Variants in PCNX3 observed in about 807,000 individuals in gnomAD.
PCNX3 encodes pecanex 3, also known as pecanex-like protein 3.
PCNX3 carries 58 observed loss-of-function variants against 207.2 expected under a neutral mutation model. The ratio of observed to expected loss-of-function variants is 0.28; its 90% confidence interval spans 0.23 to 0.35. PCNX3 has a LOEUF of 0.35. Ranked by LOEUF, PCNX3 falls within the 10% of genes least tolerant of loss-of-function variation. The pLI is 1.00. For missense variants in PCNX3, 2,410 were observed against 2,774.4 expected (o/e 0.87, Z 2.95); for synonymous variants, 1,337 against 1,183.5 (o/e 1.13, Z -2.66).
At chr11:65,623,467 G>T in intron 11 of PCNX3, 24 bp from the exon 12 acceptor site, 1 of 1,573,646 alleles carries the variant, frequency 6.4e-7, no homozygotes, top group Non-Finnish European at 8.6e-7. Context: ...AGACGGGCAC[G>T]CCCTGACTAG....
At chr11:65,632,955 G>A (rs1366296463) in intron 27 of PCNX3, among the ~76,000 whole-genome samples, 1 of 151,886 alleles carries the variant, frequency 6.6e-6, no homozygotes, top group Non-Finnish European at 1.5e-5. Flanking sequence ...ATGTTGTCCA[G>A]GCTGGTCTTG....
At chr11:65,617,424 C>G (rs1186630555) in intron 3 of PCNX3, 46 bp from the exon 4 acceptor site, 3 of 1,613,734 alleles carry the variant, frequency 1.9e-6, no homozygotes, top group African/African-American at 2.7e-5. Flanking sequence ...CATCCTGAGC[C>G]TACTTCTTGC....
intron 10 of PCNX3, 34 bp from the exon 11 acceptor site, chr11:65,622,211 C>T: frequency 6.3e-7 from 1 of 1,587,958 alleles, no homozygotes; most frequent in Non-Finnish European, 8.6e-7. Flanking sequence ...TGCAGTTTGA[C>T]CTGCTGGACC....
At chr11:65,623,307 T>C (rs1335345813) in intron 11 of PCNX3, among the ~76,000 whole-genome samples, 184 bp from the exon 12 acceptor site, 1 of 152,226 alleles carries the variant, frequency 6.6e-6, no homozygotes, top group Admixed American at 6.5e-5. Context: ...AATACAATGG[T>C]CGCTGGAGCA....
intron 27 of PCNX3, among the ~76,000 whole-genome samples, chr11:65,632,313 G>A (rs1040276209): frequency 1.8e-4 from 28 of 151,922 alleles, no homozygotes; most frequent in African/African-American, 6.0e-4. Context: ...GGGGTGGGGC[G>A]GGGGGAGGCG....
rs911033168 is a variant in PCNX3 at position 65,620,550 on chromosome 11, C to T, written c.2099+121C>T. 4 of 1,130,390 alleles carry T rather than the reference C, an allele frequency of 3.5e-6. No homozygotes were observed. The African/African-American group carries it at 4.7e-5, about 13-fold the overall frequency. The allele number at this position is 1,130,390 out of a possible 1,614,324, so 70.0% of individuals were successfully genotyped here. On this transcript the variant is annotated intron_variant, in intron 9 of 34. Transcript: ENST00000355703. ...CTTGGGCAGGGGCAGCTCAGATCTG[C>T]AGGGAGAGGATGGGGAGCAGCAAAG...
intron 12 of PCNX3, 53 bp from the exon 13 acceptor site, chr11:65,623,876 G>C (rs1855240178): frequency 1.2e-6 from 2 of 1,611,568 alleles, no homozygotes; most frequent in Non-Finnish European, 8.5e-7. Context: ...TGGGGCCTCT[G>C]ACCATCCCGT....
rs1487215956 is a variant in PCNX3 at position 65,619,739 on chromosome 11, G to T, written c.1830-15G>T. On this transcript the variant is annotated splice_polypyrimidine_tract_variant and intron_variant, in intron 7 of 34. Transcript: ENST00000355703. Reference sequence around the variant, plus strand: ...AAGCTCTAGCTGGCGCTGACCTGGGGCTGACCCTCTCCAGCAGCCTGCAGG... The same window carrying T: ...AAGCTCTAGCTGGCGCTGACCTGGGTCTGACCCTCTCCAGCAGCCTGCAGG... 6.4e-7 allele frequency: 1 copy of T among 1,562,394 alleles called. No individual in the cohort carries two copies. Among genetic ancestry groups the T allele is most frequent in the Admixed American group, 1.8e-5 (1 of 54,328 alleles).
chr11:65,618,590 C>T lies in PCNX3; in HGVS notation c.1228C>T (p.Arg410Trp), dbSNP rs368795941. Reference sequence around the variant, plus strand: ...CTCTCCACCTGGCCGTGCCCCTCGACGGCCCCTGCTTGAAGGTGGGGGCTT... The same window carrying T: ...CTCTCCACCTGGCCGTGCCCCTCGATGGCCCCTGCTTGAAGGTGGGGGCTT... Reference protein sequence around the residue: ...RHSPPGRAPRRPLLEGGGFFE... With the variant: ...RHSPPGRAPRWPLLEGGGFFE... Residue 410 changes from arginine (R) to tryptophan (W), a missense_variant, in exon 6 of 35, where the codon CGG becomes TGG. This residue lies in a region of PCNX3 where 1,104 missense variants were observed against 970.3 expected (regional missense o/e 1.14). Transcript: ENST00000355703. 1.8e-5 allele frequency: 29 copies of T among 1,612,080 alleles called. No individual in the cohort carries two copies. The East Asian group carries it at 4.9e-4, about 27-fold the overall frequency.
At chr11:65,623,665 T>C (rs1590882810) in intron 12 of PCNX3, 21 bp downstream of exon 12, 1 of 1,606,702 alleles carries the variant, frequency 6.2e-7, no homozygotes, top group East Asian at 2.2e-5. Flanking sequence ...GCTCTCTGTG[T>C]TTCCTTCCCC....
In PCNX3 at chr11:65,625,699, G is replaced by T; in HGVS notation, c.3183G>T (p.Val1061=). ...SDLVMCVVIA[V]LTFAISASTV... The stretch of plus-strand genomic sequence containing the variant: ...TGGTGATGTGTGTGGTGATCGCCGT[G>T]CTCACCTTCGCCATCAGCGCCAGCA... Residue 1061 remains valine, a synonymous_variant, in exon 19 of 35, where the codon GTG becomes GTT. Coordinates refer to ENST00000355703, the MANE Select transcript of PCNX3 (RefSeq NM_032223.4). This position sits in a 1 kb window ranked among gnomAD's most constrained non-coding sequence, Gnocchi z 5.6. 6.2e-7 allele frequency: 1 copy of T among 1,612,138 alleles called. No homozygotes were observed.
Position 65,634,117 on chromosome 11 carries a change from C to T in PCNX3, c.4471-9C>T, listed in dbSNP as rs1190005442. 1.2e-6 allele frequency: 2 copies of T among 1,608,116 alleles called. No individual in the cohort carries two copies. Among genetic ancestry groups the T allele is most frequent in the Non-Finnish European group, 1.7e-6 (2 of 1,178,318 alleles). ...GACCCCGGCCTGACGCCTGCCCCTC[C>T]TCTCCCAGAGCATCATCTACTACGT... On this transcript the variant is annotated splice_polypyrimidine_tract_variant and intron_variant, in intron 27 of 34. Coordinates refer to ENST00000355703, the MANE Select transcript of PCNX3 (RefSeq NM_032223.4).
Position 65,618,153 on chromosome 11 carries a change from T to G in PCNX3, c.791T>G (p.Val264Gly), listed in dbSNP as rs1247939467. The change falls in exon 6 of 35, where the codon GTG becomes GGG. Residue 264 changes from valine to glycine, a missense_variant. Physicochemically the swap from Val to Gly is moderately radical, Grantham distance 109 (BLOSUM62 -3). Coordinates refer to ENST00000355703, the MANE Select transcript of PCNX3 (RefSeq NM_032223.4). ...LTLTQPDRAL[V>G]RTSSRREQRR... Reference sequence around the variant, plus strand: ...CTGACCCAGCCTGACCGGGCCCTGGTGAGGACCAGCAGTCGACGGGAACAA... The same window carrying G: ...CTGACCCAGCCTGACCGGGCCCTGGGGAGGACCAGCAGTCGACGGGAACAA... 1 of 1,609,070 alleles carries G rather than the reference T, an allele frequency of 6.2e-7. No individual in the cohort carries two copies. Among genetic ancestry groups the G allele is most frequent in the Non-Finnish European group, 8.5e-7 (1 of 1,177,328 alleles).
intron 15 of PCNX3, 36 bp from the exon 16 acceptor site, chr11:65,624,889 A>G (rs2135440251): frequency 2.3e-5 from 36 of 1,578,360 alleles, no homozygotes; most frequent in Non-Finnish European, 3.1e-5. Flanking sequence ...GGTACCTGCA[A>G]GTGAGAGCTG....
At chr11:65,632,463 G>C (rs1855655089) in intron 27 of PCNX3, among the ~76,000 whole-genome samples, 1 of 149,408 alleles carries the variant, frequency 6.7e-6, no homozygotes, top group African/African-American at 2.5e-5. Context: ...TGGGCTCTCA[G>C]ACCTGCTTCT....
chr11:65,616,769 C>T, intron 1 of PCNX3, 55 bp from the exon 2 acceptor site: 3 of 1,556,604 alleles, frequency 1.9e-6, no homozygotes, highest in Middle Eastern at 1.9e-4. Flanking sequence ...ATGGCAGGTA[C>T]ATCCTGTGGG....
At chr11:65,634,097 C>T (rs762558085) in intron 27 of PCNX3, 29 bp from the exon 28 acceptor site, 44 of 1,588,682 alleles carry the variant, frequency 2.8e-5, no homozygotes, top group Non-Finnish European at 3.4e-5. Flanking sequence ...GCCGGGACCC[C>T]GGCCTGACGC....
intron 27 of PCNX3, among the ~76,000 whole-genome samples, chr11:65,633,168 C>T (rs1287164334): frequency 6.6e-6 from 1 of 152,206 alleles, no homozygotes; most frequent in Non-Finnish European, 1.5e-5. Flanking sequence ...CCCATTAGCT[C>T]CATCTTAGGG....
Position 65,635,299 on chromosome 11 carries a change from A to G in PCNX3, c.5035A>G (p.Ile1679Val). The change falls in exon 31 of 35, where the codon ATC becomes GTC. Residue 1679 changes from isoleucine (I) to valine (V), a missense_variant. This residue lies in a region of PCNX3 where 420 missense variants were observed against 705.3 expected (regional missense o/e 0.60). Coordinates refer to ENST00000355703, the MANE Select transcript of PCNX3 (RefSeq NM_032223.4). The surrounding 1 kb of genome is among the most constrained non-coding windows in gnomAD (Gnocchi z 9.9). The part of the protein sequence containing the change: ...AIAANEERLV[I>V]SHEGDPAWRS... Reference sequence around the variant, plus strand: ...TGCGGCCAACGAGGAGCGGCTGGTCATCTCACATGAGGGTGACCCAGCATG... The same window carrying G: ...TGCGGCCAACGAGGAGCGGCTGGTCGTCTCACATGAGGGTGACCCAGCATG... 6.3e-7 allele frequency: 1 copy of G among 1,597,618 alleles called. No individual in the cohort carries two copies. Among genetic ancestry groups the G allele is most frequent in the Non-Finnish European group, 8.5e-7 (1 of 1,173,112 alleles).
Sources: allele counts gnomAD v4.1 joint callset (sites outside exome capture counted in the v4.1 genomes callset), GRCh38; gene constraint gnomAD v4.1.1; regional missense constraint gnomAD v4.1.1; non-coding constraint Gnocchi (gnomAD v3.1); transcripts MANE v1.5; gene names NCBI Gene and HGNC (gene_info 2026-07-23, HGNC 2026-07-21).